Variants in HDAC4 observed in about 807,000 individuals in gnomAD.
HDAC4 encodes the protein histone deacetylase A.
Under a neutral mutation model 135.1 loss-of-function variants are expected in HDAC4, and 16 were observed. That is an observed-to-expected ratio of 0.12 (90% CI 0.08 to 0.18). The LOEUF (loss-of-function observed/expected upper bound fraction) is 0.18, where lower values mean the gene tolerates loss of function less well. HDAC4 is among the 10% of genes least tolerant of loss of function. The pLI, the probability that HDAC4 is intolerant of heterozygous loss-of-function variation, is 1.00. For synonymous variants in HDAC4, 685 were observed against 653.4 expected, an observed-to-expected ratio of 1.05 and a Z score of -0.74; for missense variants, 1,143 against 1,511.8, an observed-to-expected ratio of 0.76 and a Z score of 4.05.
Position 239,208,045 on chromosome 2 carries a change from G to A in HDAC4, c.95-17968C>T, listed in dbSNP as rs572453295. 1.1e-4 allele frequency among the ~76,000 whole-genome samples: 16 copies of A among 152,138 alleles called. No homozygotes were observed. The East Asian group carries it at 2.1e-3, about 20-fold the overall frequency. On this transcript the variant is annotated intron_variant, in intron 3 of 26. Coordinates refer to ENST00000543185, the MANE Select transcript of HDAC4 (RefSeq NM_001378414.1). ...ACACAAGAAAACACAAGAAAAGGCCGGGCGCGGTGGCTCACGCCTGTAATC... is the reference window on the plus strand; with the variant it reads ...ACACAAGAAAACACAAGAAAAGGCCAGGCGCGGTGGCTCACGCCTGTAATC...
chr2:239,071,751 GCT>G (rs1323084308), intron 22 of HDAC4, among the ~76,000 whole-genome samples: 14 of 152,176 alleles, frequency 9.2e-5, no homozygotes, highest in African/African-American at 3.4e-4. Context: ...TCCACCGAAA[GCT>G]CTGCTCCTGT....
At chr2:239,396,551 T>C (rs1027094560) in intron 1 of HDAC4, among the ~76,000 whole-genome samples, 4 of 152,308 alleles carry the variant, frequency 2.6e-5, no homozygotes, top group Admixed American at 2.6e-4. Context: ...GGCACAATGA[T>C]TCAATGTTCA....
At chr2:239,233,790 C>T (rs1009787626) in intron 3 of HDAC4, among the ~76,000 whole-genome samples, 6 of 152,212 alleles carry the variant, frequency 3.9e-5, no homozygotes, top group African/African-American at 1.2e-4. Flanking sequence ...CAAGTACACA[C>T]TCATCTGTTC....
At chr2:239,113,504 C>T (rs773453480) in intron 13 of HDAC4, among the ~76,000 whole-genome samples, 7 of 152,184 alleles carry the variant, frequency 4.6e-5, no homozygotes, top group Admixed American at 2.0e-4. Flanking sequence ...TGTACTACGA[C>T]GTTTCCCTGA....
chr2:239,289,010 C>G (rs187131297), intron 2 of HDAC4, among the ~76,000 whole-genome samples: 6 of 152,314 alleles, frequency 3.9e-5, no homozygotes, highest in Admixed American at 3.9e-4. Context: ...GCGGCTGCAG[C>G]GCCTGTCAAG....
Position 239,156,714 on chromosome 2 carries a change from G to A in HDAC4, c.671C>T (p.Ser224Phe), listed in dbSNP as rs2152951320. ...CATTCCCAGGACCGGGTGGTTATAG[G>A]AGGTCGACACTCCGCTCTGGGGTGG... ...SSPPQSGVST[S>F]YNHPVLGMYD... The change falls in exon 7 of 27, where the codon TCC (serine) becomes TTC (phenylalanine). Residue 224 changes from serine (S) to phenylalanine (F), a missense_variant. Transcript: ENST00000543185. 2 of 1,614,128 alleles carry A rather than the reference G, an allele frequency of 1.2e-6. No individual in the cohort carries two copies. Among genetic ancestry groups the A allele is most frequent in the East Asian group, 2.2e-5 (1 of 44,864 alleles).
Position 239,102,911 on chromosome 2 carries a change from G to T in HDAC4, c.2113-15C>A. On this transcript the variant is annotated splice_polypyrimidine_tract_variant and intron_variant, in intron 15 of 26. Transcript: ENST00000543185. Reference sequence around the variant, plus strand: ...CCGCGGATGCACTGTGGGGACAGGCGAGAGGACACTCACACGTTCTGCAGA... The same window carrying T: ...CCGCGGATGCACTGTGGGGACAGGCTAGAGGACACTCACACGTTCTGCAGA... The T allele has an allele frequency of 6.2e-7, 1 of 1,613,668 alleles. No individual in the cohort carries two copies. Among genetic ancestry groups the T allele is most frequent in the South Asian group, 1.1e-5 (1 of 91,080 alleles).
At chr2:239,057,866 T>C (rs1437202731) in intron 24 of HDAC4, among the ~76,000 whole-genome samples, 1 of 152,134 alleles carries the variant, frequency 6.6e-6, no homozygotes, top group African/African-American at 2.4e-5. Flanking sequence ...CAGGAAAGCC[T>C]GGATGAACAG....
At chr2:239,187,410 G>A (rs1367307477) in intron 4 of HDAC4, among the ~76,000 whole-genome samples, 2 of 152,240 alleles carry the variant, frequency 1.3e-5, no homozygotes, top group Non-Finnish European at 2.9e-5. Context: ...TAAATAAAAC[G>A]AGTGGCCTCT....
chr2:239,224,945 C>A (rs1000408930), intron 3 of HDAC4, among the ~76,000 whole-genome samples: 1 of 152,190 alleles, frequency 6.6e-6, no homozygotes, highest in Admixed American at 6.5e-5. Flanking sequence ...AATTCAAAAT[C>A]TTCTCACACA....
At chr2:239,125,106 C>A (rs192568782) in intron 12 of HDAC4, among the ~76,000 whole-genome samples, 1 of 152,242 alleles carries the variant, frequency 6.6e-6, no homozygotes, top group Non-Finnish European at 1.5e-5. Context: ...ACGGTTATTA[C>A]GACTGATACG....
At chr2:239,335,522 A>C (rs1421177600) in intron 2 of HDAC4, among the ~76,000 whole-genome samples, 3 of 150,984 alleles carry the variant, frequency 2.0e-5, no homozygotes, top group South Asian at 2.1e-4. Context: ...AAAAAAAAAA[A>C]AAAAAAAACA....
At chr2:239,104,020 T>C (rs1444994755) in intron 15 of HDAC4, among the ~76,000 whole-genome samples, 2 of 152,326 alleles carry the variant, frequency 1.3e-5, no homozygotes, top group African/African-American at 4.8e-5. Context: ...GCTTCCTCTA[T>C]GAAGGTCTCT....
rs1300712828 is a variant in HDAC4, at chr2:239,048,986, C to T, written c.*4111G>A. 6.6e-6 allele frequency: 1 copy of T among 152,212 alleles called. No homozygotes were observed. The highest frequency in any genetic ancestry group is 1.5e-5 in the Non-Finnish European group (1 of 68,036). The allele number at this position is 152,212 out of a possible 1,614,324, so 9.4% of individuals were successfully genotyped here. On this transcript the variant is annotated 3_prime_UTR_variant, in exon 27 of 27. Coordinates refer to ENST00000543185, the MANE Select transcript of HDAC4 (RefSeq NM_001378414.1). Reference sequence around the variant, plus strand: ...GAGGGCGGGCGGCGCTCGCCTGGCCCGTGGAAGGAGATAAAAGGAAACAAA... The same window carrying T: ...GAGGGCGGGCGGCGCTCGCCTGGCCTGTGGAAGGAGATAAAAGGAAACAAA...
chr2:239,134,313 G>A lies in HDAC4; in HGVS notation c.1226C>T (p.Ala409Val), dbSNP rs747592573. ...CATGTGCTGCAGAAGAGGGCTGTGC[G>A]CTGCCCCTCCGTCCCGCTCCAAGGG... ...TSPLERDGGA[A>V]HSPLLQHMVL... Residue 409 changes from alanine to valine, a missense_variant, in exon 11 of 27, where the codon GCG becomes GTG. Transcript: ENST00000543185. 1.5e-5 allele frequency: 25 copies of A among 1,613,604 alleles called. No homozygotes were observed. Among genetic ancestry groups the A allele is most frequent in the East Asian group, 6.7e-5 (3 of 44,896 alleles).
In HDAC4 at chr2:239,095,082, A is replaced by C. The variant is rs780295450; in HGVS notation, c.2234-26T>G. ...CTGTGGGGGGGAGGGAGACGGTCAG[A>C]GAGGCCAAGGGCACGCGGCCAAGGT... On this transcript the variant is annotated intron_variant, in intron 16 of 26. Coordinates refer to ENST00000543185, the MANE Select transcript of HDAC4 (RefSeq NM_001378414.1). 61 of 1,613,570 alleles carry C rather than the reference A, an allele frequency of 3.8e-5. 1 individual carries two copies. In the African/African-American group the frequency reaches 6.9e-4, roughly 18 times the overall value.
At chr2:239,298,431 C>T (rs778353975) in intron 2 of HDAC4, 293 of 1,165,492 alleles carry the variant, frequency 2.5e-4, no homozygotes, top group Non-Finnish European at 3.1e-4. Context: ...AGTTCAAGTG[C>T]ATGCACACCG....
At chr2:239,059,466 AG>A (rs1360902072) in intron 24 of HDAC4, among the ~76,000 whole-genome samples, 2 of 152,156 alleles carry the variant, frequency 1.3e-5, no homozygotes, top group African/African-American at 4.8e-5. Flanking sequence ...CAGGGATGAA[AG>A]GGGGCCCCGG....
intron 22 of HDAC4, among the ~76,000 whole-genome samples, chr2:239,072,363 C>A (rs137993266): frequency 1.3e-5 from 2 of 152,214 alleles, no homozygotes; most frequent in Non-Finnish European, 2.9e-5. Flanking sequence ...CTAGTTTGCA[C>A]GATTCCCACT....
Sources: gnomAD v4.1 joint callset for allele counts (sites outside exome capture counted in the v4.1 genomes callset) on GRCh38, gnomAD v4.1.1 for gene constraint, MANE v1.5 for transcripts, NCBI Gene and HGNC (gene_info 2026-07-23, HGNC 2026-07-21) for gene names.